EDIL3: variants seen among roughly 807,000 people sequenced by gnomAD.
The protein encoded by EDIL3 is EGF-like repeat and discoidin I-like domain-containing protein 3.
EDIL3 carries 37 observed loss-of-function variants against 67.4 expected under a neutral mutation model. The observed-to-expected ratio is 0.55, with a 90% CI of 0.42 to 0.72. The LOEUF (loss-of-function observed/expected upper bound fraction) is 0.72, where lower values mean the gene tolerates loss of function less well. EDIL3 is among the 30% of genes least tolerant of loss of function. EDIL3 has a pLI of 0.00. For missense variants in EDIL3, 527 were observed against 586.3 expected (o/e 0.90, Z 1.04); for synonymous variants, 195 against 196.3 (o/e 0.99, Z 0.05).
intron 9 of EDIL3, among the ~76,000 whole-genome samples, chr5:84,030,440 G>A (rs1327871983): frequency 1.3e-5 from 2 of 152,060 alleles, no homozygotes; most frequent in African/African-American, 2.4e-5. Flanking sequence ...TGCATCAGGA[G>A]TTATTCTAAA....
At chr5:83,985,480 G>T (rs1251964562) in intron 9 of EDIL3, among the ~76,000 whole-genome samples, 2 of 152,040 alleles carry the variant, frequency 1.3e-5, no homozygotes, top group Non-Finnish European at 2.9e-5. Context: ...GTGTCTGTAT[G>T]TTGGTGCAGT....
chr5:84,306,608 A>C (rs866183889), intron 1 of EDIL3, among the ~76,000 whole-genome samples: 12 of 152,332 alleles, frequency 7.9e-5, no homozygotes, highest in South Asian at 2.1e-4. Flanking sequence ...GTTTGTACTA[A>C]ATCATGAGTC....
At chr5:83,991,164 G>A (rs2112159456) in intron 9 of EDIL3, among the ~76,000 whole-genome samples, 1 of 152,026 alleles carries the variant, frequency 6.6e-6, no homozygotes, top group East Asian at 1.9e-4. Flanking sequence ...GTTTATCCCT[G>A]TACTGCATGT....
At chr5:84,117,358 G>A (rs1258046024) in intron 5 of EDIL3, among the ~76,000 whole-genome samples, 3 of 151,926 alleles carry the variant, frequency 2.0e-5, no homozygotes, top group Non-Finnish European at 4.4e-5. Context: ...AACAATATTT[G>A]TAGTAAAAAC....
Position 84,340,588 on chromosome 5 carries a change from ATATG to A in EDIL3, c.67+43716_67+43719del, listed in dbSNP as rs1416900545. Among the ~76,000 whole-genome samples the A allele has an allele frequency of 5.5e-5, 8 of 145,412 alleles. No individual in the cohort carries two copies. The East Asian group carries it at 1.4e-3, about 26-fold the overall frequency. Reference sequence around the variant, plus strand: ...TATATATATGTTAGTCTACATATATATATGTATGTATGTATATAAAAATTGAACT... The same window carrying A: ...TATATATATGTTAGTCTACATATATATATGTATGTATATAAAAATTGAACT... On this transcript the variant is annotated intron_variant, in intron 1 of 10. Transcript: ENST00000296591.
At chr5:84,153,414 C>T (rs1282039563) in intron 4 of EDIL3, among the ~76,000 whole-genome samples, 1 of 151,932 alleles carries the variant, frequency 6.6e-6, no homozygotes, top group Non-Finnish European at 1.5e-5. Flanking sequence ...CTCCTGTCTC[C>T]TCCTGAGTAG....
At chr5:84,354,959 T>C (rs1471360431) in intron 1 of EDIL3, among the ~76,000 whole-genome samples, 2 of 152,164 alleles carry the variant, frequency 1.3e-5, no homozygotes, top group East Asian at 3.9e-4. Flanking sequence ...CGATTATGCG[T>C]CTTTGGGTTG....
chr5:84,207,747 T>C (rs1358316304), intron 3 of EDIL3, among the ~76,000 whole-genome samples: 17 of 151,800 alleles, frequency 1.1e-4, no homozygotes, highest in Admixed American at 3.3e-4. Context: ...ATGCCGCATA[T>C]CTACAACTAT....
rs191391413 is a variant in EDIL3 at position 84,036,961 on chromosome 5, C to T, written c.1137+23339G>A. ...TGTGAAGCAGGAGGCATTTACTGTG[C>T]TCCACTTCCCAACTGCCAGGGCCTC... On this transcript the variant is annotated intron_variant, in intron 9 of 10. Coordinates refer to ENST00000296591, the MANE Select transcript of EDIL3 (RefSeq NM_005711.5). Among the ~76,000 whole-genome samples the T allele has an allele frequency of 9.1e-4, 138 of 152,272 alleles. 1 individual carries two copies. The highest frequency in any genetic ancestry group is 3.0e-3 in the African/African-American group (126 of 41,558).
chr5:83,957,688 T>C (rs1744537899), intron 10 of EDIL3, among the ~76,000 whole-genome samples: 1 of 151,714 alleles, frequency 6.6e-6, no homozygotes, highest in South Asian at 2.1e-4. Flanking sequence ...TGGAGAGTGA[T>C]GGACTTTTAT....
chr5:84,363,581 A>G (rs1215964783), intron 1 of EDIL3, among the ~76,000 whole-genome samples: 1 of 152,350 alleles, frequency 6.6e-6, no homozygotes, highest in South Asian at 2.1e-4. Flanking sequence ...AATATTTTAA[A>G]TAGTGCAACT....
At chr5:84,302,267 A>T (rs1746176949) in intron 1 of EDIL3, among the ~76,000 whole-genome samples, 1 of 151,794 alleles carries the variant, frequency 6.6e-6, no homozygotes, top group Non-Finnish European at 1.5e-5. Context: ...ATGCTTTTTT[A>T]AATTCACGAT....
chr5:84,350,211 T>A (rs1747326784), intron 1 of EDIL3, among the ~76,000 whole-genome samples: 1 of 152,108 alleles, frequency 6.6e-6, no homozygotes, highest in African/African-American at 2.4e-5. Flanking sequence ...TATCAACCAT[T>A]CCACCAGAAT....
chr5:84,036,635 C>A (rs1161262664), intron 9 of EDIL3, among the ~76,000 whole-genome samples: 1 of 152,128 alleles, frequency 6.6e-6, no homozygotes, highest in East Asian at 1.9e-4. Flanking sequence ...CCGCATTGAG[C>A]ATTGATATAG....
Position 83,982,026 on chromosome 5 carries a change from C to T in EDIL3, c.1138-18666G>A, listed in dbSNP as rs79409626. On this transcript the variant is annotated intron_variant, in intron 9 of 10. Coordinates refer to ENST00000296591, the MANE Select transcript of EDIL3 (RefSeq NM_005711.5). ...TCCAAAATGGCAGATAGACCTGCTCCGGTATAGAAACTATATATAATTAAG... is the reference window on the plus strand; with the variant it reads ...TCCAAAATGGCAGATAGACCTGCTCTGGTATAGAAACTATATATAATTAAG... 4.8e-3 allele frequency among the ~76,000 whole-genome samples: 725 copies of T among 152,006 alleles called. 3 individuals carry two copies. Among genetic ancestry groups the T allele is most frequent in the Non-Finnish European group, 8.1e-3 (549 of 67,944 alleles).
chr5:84,069,432 A>G (rs1181833107), intron 6 of EDIL3, among the ~76,000 whole-genome samples: 2 of 152,142 alleles, frequency 1.3e-5, no homozygotes, highest in Admixed American at 1.3e-4. Context: ...TTGAAATTTA[A>G]TTTCCTCCCT....
At chr5:84,162,603 T>C (rs1012986306) in intron 4 of EDIL3, among the ~76,000 whole-genome samples, 8 of 152,088 alleles carry the variant, frequency 5.3e-5, no homozygotes, top group Non-Finnish European at 2.9e-5. Context: ...CCTTCTTTTA[T>C]GGGCCTTTAT....
intron 1 of EDIL3, among the ~76,000 whole-genome samples, chr5:84,360,997 T>C (rs1050772253): frequency 3.3e-5 from 5 of 152,050 alleles, no homozygotes; most frequent in African/African-American, 1.2e-4. Flanking sequence ...ATTAAATATT[T>C]TTCCATGTGC....
intron 3 of EDIL3, among the ~76,000 whole-genome samples, chr5:84,187,280 T>C (rs1220510635): frequency 6.6e-6 from 1 of 152,000 alleles, no homozygotes; most frequent in Non-Finnish European, 1.5e-5. Context: ...TTTGCTACTT[T>C]TCTGCATCTA....
Sources: allele counts gnomAD v4.1 joint callset (sites outside exome capture counted in the v4.1 genomes callset), GRCh38; gene constraint gnomAD v4.1.1; transcripts MANE v1.5; gene names NCBI Gene and HGNC (gene_info 2026-07-23, HGNC 2026-07-21).